ALMS1: variants seen among roughly 807,000 people sequenced by gnomAD.
ALMS1 encodes the protein ALMS1 centrosome and basal body associated protein, also known as centrosome-associated protein ALMS1.
A neutral mutation model predicts 352.2 loss-of-function variants in ALMS1; 271 were observed. That is an observed-to-expected ratio of 0.77 (90% confidence interval 0.70 to 0.85). ALMS1 has a LOEUF of 0.85. ALMS1 is among the 40% of genes least tolerant of loss of function. The pLI is 0.00. For synonymous variants in ALMS1, 1,865 were observed against 1,761.2 expected (o/e 1.06, Z -1.48); for missense variants, 5,445 against 4,870.7 (o/e 1.12, Z -3.51).
intron 16 of ALMS1, among the ~76,000 whole-genome samples, chr2:73,583,814 A>G (rs1014767200): frequency 1.3e-5 from 2 of 152,116 alleles, no homozygotes; most frequent in African/African-American, 4.8e-5. Flanking sequence ...ATTTCTGGGC[A>G]TGTTTTCTTA....
chr2:73,505,203 T>C (rs1673296315), intron 10 of ALMS1, among the ~76,000 whole-genome samples: 1 of 152,252 alleles, frequency 6.6e-6, no homozygotes, highest in Non-Finnish European at 1.5e-5. Context: ...TGTGTCTTTA[T>C]AGTAGAATGA....
chr2:73,506,650 A>G (rs570704466), intron 10 of ALMS1, among the ~76,000 whole-genome samples: 6 of 152,296 alleles, frequency 3.9e-5, no homozygotes, highest in Admixed American at 3.9e-4. Context: ...ACTTTGCTGA[A>G]GTTGCCTATC....
At chr2:73,531,459 A>G (rs1007701654) in intron 11 of ALMS1, among the ~76,000 whole-genome samples, 2 of 152,158 alleles carry the variant, frequency 1.3e-5, no homozygotes, top group African/African-American at 4.8e-5. Context: ...CTCAACCTGG[A>G]CTTCATTGTC....
intron 2 of ALMS1, among the ~76,000 whole-genome samples, 185 bp downstream of exon 2, chr2:73,408,932 G>T (rs552543726): frequency 6.9e-6 from 1 of 145,062 alleles, no homozygotes; most frequent in Non-Finnish European, 1.5e-5. Flanking sequence ...GAGGGCAGTG[G>T]CATGATCATA....
chr2:73,538,400 C>T (rs1054073144), intron 12 of ALMS1, among the ~76,000 whole-genome samples: 1 of 151,984 alleles, frequency 6.6e-6, no homozygotes, highest in African/African-American at 2.4e-5. Context: ...AAAAAATAAG[C>T]GGAGAGAGCC....
chr2:73,385,970 G>T lies in ALMS1; in HGVS notation c.102G>T (p.Ala34=). The T allele has an allele frequency of 6.6e-7, 1 of 1,524,842 alleles. No individual in the cohort carries two copies. The highest frequency in any genetic ancestry group is 8.9e-7 in the Non-Finnish European group (1 of 1,124,444). The allele number at this position is 1,524,842 out of a possible 1,614,324, so 94.5% of individuals were successfully genotyped here. ...EEEEEAAAAA[A]ANVDDVVVVE... Reference sequence around the variant, plus strand: ...AGGAGGAGGCTGCAGCGGCGGCGGCGGCGAACGTGGACGACGTAGTGGTCG... The same window carrying T: ...AGGAGGAGGCTGCAGCGGCGGCGGCTGCGAACGTGGACGACGTAGTGGTCG... The change falls in exon 1 of 23, where the codon GCG becomes GCT. Residue 34 remains alanine (A), a synonymous_variant. Transcript: ENST00000613296.
chr2:73,608,368 C>A, intron 21 of ALMS1, 107 bp from the exon 22 acceptor site: 3 of 890,522 alleles, frequency 3.4e-6, no homozygotes, highest in Admixed American at 1.7e-5. Context: ...GAGGGATGAG[C>A]TCCTGGAGAG....
chr2:73,467,959 G>A (rs1672391132), intron 9 of ALMS1, among the ~76,000 whole-genome samples: 1 of 152,068 alleles, frequency 6.6e-6, no homozygotes, highest in South Asian at 2.1e-4. Flanking sequence ...AGACGCACAA[G>A]AGGTCTTCTC....
At chr2:73,405,528 CTA>C (rs893560392) in intron 1 of ALMS1, among the ~76,000 whole-genome samples, 7 of 151,398 alleles carry the variant, frequency 4.6e-5, no homozygotes, top group African/African-American at 1.7e-4. Context: ...TTTCAAATAA[CTA>C]TTGGTTTTCT....
At chr2:73,508,103 C>CTTT (rs1421375830) in intron 10 of ALMS1, among the ~76,000 whole-genome samples, 1 of 150,624 alleles carries the variant, frequency 6.6e-6, no homozygotes, top group East Asian at 1.9e-4. Flanking sequence ...TTTCTTTTCT[C>CTTT]TTTTCTTTTC....
chr2:73,452,297 C>G lies in ALMS1; in HGVS notation c.5770C>G (p.Pro1924Ala). 1 of 1,614,014 alleles carries G rather than the reference C, an allele frequency of 6.2e-7. No homozygotes were observed. The highest frequency in any genetic ancestry group is 8.5e-7 in the Non-Finnish European group (1 of 1,179,992). Residue 1924 changes from proline to alanine, a missense_variant, in exon 8 of 23, where the codon CCT becomes GCT. Physicochemically the swap from Pro to Ala is conservative, Grantham distance 27. Coordinates refer to ENST00000613296, the MANE Select transcript of ALMS1 (RefSeq NM_001378454.1). ...AGAAGCTTTAAATGTTTTTGTTGTT[C>G]CTGGACAAGGTGACCGGAAGACTGA... is the stretch of plus-strand genomic sequence containing the variant. ...TEEALNVFVV[P>A]GQGDRKTEIP...
intron 11 of ALMS1, among the ~76,000 whole-genome samples, chr2:73,527,675 T>C (rs2103977469): frequency 6.6e-6 from 1 of 152,182 alleles, no homozygotes; most frequent in African/African-American, 2.4e-5. Flanking sequence ...TGGCTAAAGG[T>C]TTGTCGATTT....
intron 6 of ALMS1, among the ~76,000 whole-genome samples, chr2:73,429,556 T>TA (rs1279044775): frequency 6.6e-6 from 1 of 152,188 alleles, no homozygotes; most frequent in Non-Finnish European, 1.5e-5. Context: ...GTGCTGGGGT[T>TA]ACAGGCGTGA....
intron 9 of ALMS1, chr2:73,470,516 A>G (rs748850647): frequency 4.6e-5 from 7 of 151,608 alleles, no homozygotes; most frequent in South Asian, 4.1e-4. Context: ...ATTTTAGTCT[A>G]TTGTGCTTGG....
chr2:73,430,347 A>C (rs1671475431), intron 6 of ALMS1, among the ~76,000 whole-genome samples: 1 of 152,198 alleles, frequency 6.6e-6, no homozygotes, highest in East Asian at 1.9e-4. Flanking sequence ...GAGTGCTGGG[A>C]TTACAGGCGT....
Position 73,490,053 on chromosome 2 carries a change from T to C in ALMS1, c.8094T>C (p.Ser2698=). The change falls in exon 10 of 23, where the codon TCT becomes TCC. Residue 2698 remains serine (S), a synonymous_variant. Transcript: ENST00000613296. ...FVPPKEVDFH[S]SSQMPSPEPM... is the part of the protein sequence containing the mutation. ...CACCTAAAGAAGTGGATTTTCATTC[T>C]TCATCACAAATGCCGTCCCCAGAAC... 6.2e-7 allele frequency: 1 copy of C among 1,614,226 alleles called. No individual in the cohort carries two copies. The highest frequency in any genetic ancestry group is 8.5e-7 in the Non-Finnish European group (1 of 1,180,044).
At position 73,451,289 on chromosome 2, in the gene ALMS1, G is replaced by A; in HGVS notation, c.4762G>A (p.Gly1588Ser). ...IVNYKQAFPD[G>S]HLPEEALKVS... is the part of the protein sequence containing the mutation. ...TAACTACAAACAGGCCTTTCCAGAT[G>A]GTCATCTACCTGAAGAGGCTCTGAA... Residue 1588 changes from glycine (G) to serine (S), a missense_variant, in exon 8 of 23, where the codon GGT becomes AGT. By Grantham distance (56) the Gly-to-Ser change is moderately conservative. Transcript: ENST00000613296. 1 of 1,613,348 alleles carries A rather than the reference G, an allele frequency of 6.2e-7. No homozygotes were observed. Among genetic ancestry groups the A allele is most frequent in the South Asian group, 1.1e-5 (1 of 91,034 alleles).
intron 1 of ALMS1, among the ~76,000 whole-genome samples, chr2:73,398,113 T>A (rs1052102638): frequency 4.6e-4 from 70 of 152,374 alleles, no homozygotes; most frequent in Admixed American, 1.7e-3. Context: ...TTTTGCACTT[T>A]GCATTTAGGT....
chr2:73,591,192 A>T (rs75847944), intron 16 of ALMS1, among the ~76,000 whole-genome samples: 1 of 152,154 alleles, frequency 6.6e-6, no homozygotes, highest in Non-Finnish European at 1.5e-5. Flanking sequence ...TTCTGTGTTC[A>T]TGCTAAAAAA....
Sources: allele counts gnomAD v4.1 joint callset (sites outside exome capture counted in the v4.1 genomes callset), GRCh38; gene constraint gnomAD v4.1.1; transcripts MANE v1.5; gene names NCBI Gene and HGNC (gene_info 2026-07-23, HGNC 2026-07-21).